Variants in WNK2 observed in about 807,000 individuals in gnomAD.
WNK2 encodes WNK lysine deficient protein kinase 2, also known as serine/threonine-protein kinase WNK2.
In WNK2, 67 loss-of-function variants were observed where a neutral mutation model predicts 192.1. The ratio of observed to expected loss-of-function variants is 0.35; its 90% CI spans 0.29 to 0.43. The LOEUF is 0.43. Among genes scored for constraint, WNK2 ranks in the 20% least tolerant of loss-of-function variants. The pLI is 1.00. For synonymous variants in WNK2, 1,439 were observed against 1,393.9 expected (o/e 1.03, Z -0.72); for missense variants, 2,698 against 3,089.7 (o/e 0.87, Z 3.01).
At chr9:93,231,692 G>T (rs117755265) in intron 4 of WNK2, among the ~76,000 whole-genome samples, 1 of 152,380 alleles carries the variant, frequency 6.6e-6, no homozygotes, top group Non-Finnish European at 1.5e-5. Context: ...GGAGCAGGGC[G>T]CCAAGGAATT....
At chr9:93,261,568 C>T (rs184484251) in intron 12 of WNK2, among the ~76,000 whole-genome samples, 6 of 152,354 alleles carry the variant, frequency 3.9e-5, no homozygotes, top group Non-Finnish European at 5.9e-5. Flanking sequence ...GACGGAGCCC[C>T]GTTCCTGGCC....
intron 2 of WNK2, among the ~76,000 whole-genome samples, chr9:93,206,958 G>T (rs1833504443): frequency 6.6e-6 from 1 of 152,158 alleles, no homozygotes; most frequent in African/African-American, 2.4e-5. Context: ...GGACTCCCTG[G>T]CCCTGTCTCT....
At chr9:93,281,702 C>A (rs1847761526) in intron 19 of WNK2, among the ~76,000 whole-genome samples, 1 of 152,068 alleles carries the variant, frequency 6.6e-6, no homozygotes, top group African/African-American at 2.4e-5. Flanking sequence ...AAAAAGAAAT[C>A]TGCACTTACA....
intron 5 of WNK2, among the ~76,000 whole-genome samples, chr9:93,237,746 A>G (rs2132221559): frequency 6.6e-6 from 1 of 152,284 alleles, no homozygotes; most frequent in South Asian, 2.1e-4. Flanking sequence ...CCCTGCCTGC[A>G]GCTCCCTGTG....
Position 93,230,197 on chromosome 9 carries a change from G to T in WNK2, c.854+329G>T, listed in dbSNP as rs548334513. On this transcript the variant is annotated intron_variant, in intron 3 of 29. Coordinates refer to ENST00000427277, the MANE Select transcript of WNK2 (RefSeq NM_006648.4). ...TGAGGATGTGGAGGTGGTTAGTGAG[G>T]GCTGGGGAGTGGGGAGTGGGGTGGC... Among the ~76,000 whole-genome samples the T allele has an allele frequency of 2.6e-5, 4 of 152,262 alleles. No individual in the cohort carries two copies. The East Asian group carries it at 7.7e-4, about 29-fold the overall frequency.
chr9:93,243,560 A>G (rs1265408132), intron 7 of WNK2, among the ~76,000 whole-genome samples: 1 of 152,222 alleles, frequency 6.6e-6, no homozygotes, highest in Non-Finnish European at 1.5e-5. Context: ...GTGCTCAGCT[A>G]AAGCACAACA....
chr9:93,240,345 G>T (rs76105353), intron 7 of WNK2, among the ~76,000 whole-genome samples: 2,991 of 152,310 alleles, frequency 0.02, 95 homozygotes, highest in African/African-American at 0.069. Context: ...TGTCAGTGTG[G>T]TGGCTTTGGG....
At chr9:93,244,184 G>A (rs1239216045) in intron 7 of WNK2, among the ~76,000 whole-genome samples, 1 of 152,234 alleles carries the variant, frequency 6.6e-6, no homozygotes, top group Non-Finnish European at 1.5e-5. Flanking sequence ...GGACCCCGAG[G>A]GTGGGAGAGA....
intron 2 of WNK2, among the ~76,000 whole-genome samples, chr9:93,190,993 G>A (rs1386509398): frequency 1.3e-5 from 2 of 152,210 alleles, no homozygotes; most frequent in African/African-American, 4.8e-5. Flanking sequence ...GGCTGGAAGA[G>A]GCCAAGGAGG....
intron 24 of WNK2, 123 bp downstream of exon 24, chr9:93,298,190 T>G: frequency 9.5e-7 from 1 of 1,049,850 alleles, no homozygotes; most frequent in South Asian, 1.5e-5. Context: ...GGTTATCTCC[T>G]TACTGAATCT....
chr9:93,295,884 C>G (rs1159404507), intron 23 of WNK2, among the ~76,000 whole-genome samples: 2 of 144,116 alleles, frequency 1.4e-5, no homozygotes, highest in East Asian at 4.3e-4. Flanking sequence ...CCCTCTCCAT[C>G]CTCAACTCAC....
chr9:93,232,097 A>G (rs2132067139), intron 4 of WNK2, among the ~76,000 whole-genome samples: 1 of 152,310 alleles, frequency 6.6e-6, no homozygotes, highest in Non-Finnish European at 1.5e-5. Flanking sequence ...AAGACCCAGC[A>G]TGCCCCCAAT....
intron 2 of WNK2, among the ~76,000 whole-genome samples, chr9:93,191,329 G>C (rs1389855939): frequency 6.6e-6 from 1 of 152,102 alleles, no homozygotes; most frequent in Non-Finnish European, 1.5e-5. Context: ...CCTGTGCTTG[G>C]GTCTCAACAG....
Position 93,298,064 on chromosome 9 carries a change from A to G in WNK2, c.5920A>G (p.Thr1974Ala). Reference protein sequence around the residue: ...VRQLKVVASSTGHLADSSRGP... With the variant: ...VRQLKVVASSAGHLADSSRGP... ...GCAGCTCAAGGTCGTGGCCTCCAGC[A>G]CAGGTCGGCCTCCGGGTGCAGGGCT... Residue 1974 changes from threonine (T) to alanine (A), a missense_variant, in exon 24 of 30, where the codon ACA (threonine) becomes GCA (alanine). Thr to Ala is a moderately conservative substitution (Grantham distance 58). Coordinates refer to ENST00000427277, the MANE Select transcript of WNK2 (RefSeq NM_006648.4). The G allele has an allele frequency of 6.5e-7, 1 of 1,549,574 alleles. No individual in the cohort carries two copies. Among genetic ancestry groups the G allele is most frequent in the Non-Finnish European group, 8.7e-7 (1 of 1,147,062 alleles).
At chr9:93,264,182 G>T (rs895955186) in intron 16 of WNK2, 149 bp downstream of exon 16, 2 of 646,502 alleles carry the variant, frequency 3.1e-6, no homozygotes, top group Non-Finnish European at 5.6e-6. Flanking sequence ...GACCTTTTAC[G>T]CCTCGGGCTC....
In WNK2 at chr9:93,293,065, C is replaced by A; in HGVS notation, c.5600C>A (p.Thr1867Lys). 6.2e-7 allele frequency: 1 copy of A among 1,610,718 alleles called. No homozygotes were observed. Among genetic ancestry groups the A allele is most frequent in the Non-Finnish European group, 8.5e-7 (1 of 1,178,792 alleles). Residue 1867 changes from threonine to lysine, a missense_variant, in exon 23 of 30, where the codon ACG becomes AAG. Physicochemically the swap from Thr to Lys is moderately conservative, Grantham distance 78. Around this residue, in one of 7 missense-constraint regions of WNK2, gnomAD observed 1,098 missense variants for 1,101.0 expected, o/e 1.00. Transcript: ENST00000427277. ...TPSRVGMKVPTISVTSFHSQS... is the reference protein window; with the variant it reads ...TPSRVGMKVPKISVTSFHSQS... ...AGCAGGGTGGGCATGAAGGTCCCCA[C>A]GATCAGCGTGACCTCCTTCCATTCC...
At position 93,247,079 on chromosome 9, in the gene WNK2, G is replaced by A. The variant is rs146489595; in HGVS notation, c.1543-464G>A. On this transcript the variant is annotated intron_variant, in intron 7 of 29. Coordinates refer to ENST00000427277, the MANE Select transcript of WNK2 (RefSeq NM_006648.4). This position sits in a 1 kb window ranked among gnomAD's most constrained non-coding sequence, Gnocchi z 5.2. ...CCTTACTGGTCCCTAATTACAAAAC[G>A]CATGTCCTTCCTCCATCTGCAACTC... Among the ~76,000 whole-genome samples the A allele has an allele frequency of 6.1e-3, 930 of 152,296 alleles. 8 individuals carry two copies. Among genetic ancestry groups the A allele is most frequent in the African/African-American group, 0.021 (870 of 41,558 alleles).
chr9:93,184,704 C>T (rs1316006828), intron 1 of WNK2, among the ~76,000 whole-genome samples: 2 of 152,280 alleles, frequency 1.3e-5, no homozygotes, highest in African/African-American at 2.4e-5. Context: ...TCCCTCTCCG[C>T]AGCCTGGGGC....
intron 4 of WNK2, among the ~76,000 whole-genome samples, chr9:93,234,477 C>T (rs1327573562): frequency 1.3e-5 from 2 of 152,282 alleles, no homozygotes; most frequent in East Asian, 1.9e-4. Context: ...CAGGCGAGGG[C>T]GTACTCAGGG....
Sources: gnomAD v4.1 joint callset for allele counts (sites outside exome capture counted in the v4.1 genomes callset) on GRCh38, gnomAD v4.1.1 for gene constraint, gnomAD v4.1.1 regional missense constraint, Gnocchi (gnomAD v3.1) non-coding constraint, MANE v1.5 for transcripts, NCBI Gene and HGNC (gene_info 2026-07-23, HGNC 2026-07-21) for gene names.